Variants in MTRES1 observed in about 807,000 individuals in gnomAD.
The protein encoded by MTRES1 is mitochondrial transcription rescue factor 1.
A neutral mutation model predicts 17.4 loss-of-function variants in MTRES1; 11 were observed. That is an observed-to-expected ratio of 0.63 (90% CI 0.40 to 1.05). MTRES1 has a LOEUF of 1.05. Among genes scored for constraint, MTRES1 ranks in the 50% least tolerant of loss-of-function variants. The pLI is 0.00. For missense variants in MTRES1, 268 were observed against 276.2 expected, an observed-to-expected ratio of 0.97 and a Z score of 0.21; for synonymous variants, 94 against 99.6, an observed-to-expected ratio of 0.94 and a Z score of 0.34.
At chr6:107,031,652 G>A (rs1325658282) in intron 1 of MTRES1, among the ~76,000 whole-genome samples, 5 of 151,544 alleles carry the variant, frequency 3.3e-5, no homozygotes, top group African/African-American at 4.9e-5. Flanking sequence ...CCAGGCTGGA[G>A]TGCAATGGCG....
In MTRES1 at chr6:107,051,570, C is replaced by T. The variant is rs1350945768; in HGVS notation, c.*334C>T. The stretch of plus-strand genomic sequence containing the variant: ...ACCTCAGGAGTCACTGTAAAATAAA[C>T]TGGCCTTGTTGTCTTAGTGTTTTTA... On this transcript the variant is annotated 3_prime_UTR_variant, in exon 4 of 4. Coordinates refer to ENST00000311381, the MANE Select transcript of MTRES1 (RefSeq NM_016487.5). Among the ~76,000 whole-genome samples the T allele has an allele frequency of 6.6e-6, 1 of 152,198 alleles. No individual in the cohort carries two copies. Among genetic ancestry groups the T allele is most frequent in the Non-Finnish European group, 1.5e-5 (1 of 68,040 alleles).
intron 1 of MTRES1, 71 bp from the exon 2 acceptor site, chr6:107,039,678 A>C: frequency 6.8e-7 from 1 of 1,466,470 alleles, no homozygotes; most frequent in Non-Finnish European, 9.1e-7. Flanking sequence ...TTCATAGTGC[A>C]TATGGTTTAT....
chr6:107,049,619 T>C (rs1232256781), intron 3 of MTRES1, among the ~76,000 whole-genome samples: 1 of 151,802 alleles, frequency 6.6e-6, no homozygotes, highest in Non-Finnish European at 1.5e-5. Context: ...TTCACCGTGT[T>C]AGCCAGGATG....
Position 107,051,316 on chromosome 6 carries a change from A to C in MTRES1, c.*80A>C. 4.0e-6 allele frequency: 5 copies of C among 1,252,550 alleles called. No homozygotes were observed. The highest frequency in any genetic ancestry group is 5.6e-6 in the Non-Finnish European group (5 of 896,530). 77.6% of individuals were successfully genotyped at this position (1,252,550 alleles called of 1,614,324 possible). On this transcript the variant is annotated 3_prime_UTR_variant, in exon 4 of 4. Transcript: ENST00000311381. ...CTGAAAAATAGGACATTTTTATTAA[A>C]ATAAAGTTCTCTTAGCGTTTGTGGA...
intron 1 of MTRES1, chr6:107,029,009 G>C (rs1260655969): frequency 1.5e-5 from 5 of 343,050 alleles, no homozygotes; most frequent in African/African-American, 7.4e-5. Flanking sequence ...TTATTCCACA[G>C]GGTGTTGTTT....
rs1329234562 is a variant in MTRES1, at chr6:107,044,263, A to AGTGGAAG, written c.475_481dup (p.Asp161GlyfsTer9). On this transcript the variant is annotated frameshift_variant, in exon 3 of 4. Transcript: ENST00000311381. LOFTEE classifies it high-confidence loss of function. The stretch of plus-strand genomic sequence containing the variant: ...GTTGCTTTTTTTTGTTTTGTAGCAA[A>AGTGGAAG]GTGGAAGATGCTTTCTACAAAGGTG... 1.2e-6 allele frequency: 2 copies of AGTGGAAG among 1,613,308 alleles called. No homozygotes were observed. Among genetic ancestry groups the AGTGGAAG allele is most frequent in the African/African-American group, 2.7e-5 (2 of 74,910 alleles).
chr6:107,031,098 G>C (rs963744120), intron 1 of MTRES1, among the ~76,000 whole-genome samples: 1 of 152,114 alleles, frequency 6.6e-6, no homozygotes, highest in Non-Finnish European at 1.5e-5. Flanking sequence ...TATCAGGGAG[G>C]GCCGGGCACA....
At position 107,044,277 on chromosome 6, in the gene MTRES1, T is replaced by C; in HGVS notation, c.488T>C (p.Phe163Ser). 3.1e-6 allele frequency: 5 copies of C among 1,613,960 alleles called. No homozygotes were observed. Among genetic ancestry groups the C allele is most frequent in the Non-Finnish European group, 4.2e-6 (5 of 1,179,888 alleles). ...TTTTGTAGCAAAGTGGAAGATGCTT[T>C]CTACAAAGGTGAACTCAGGCTGAAT... is the stretch of plus-strand genomic sequence containing the variant. The part of the protein sequence containing the change: ...DIGRNKVEDA[F>S]YKGELRLNEE... Residue 163 changes from phenylalanine to serine, a missense_variant, in exon 3 of 4, where the codon TTC becomes TCC. Physicochemically the swap from Phe to Ser is radical, Grantham distance 155 (BLOSUM62 -2). Coordinates refer to ENST00000311381, the MANE Select transcript of MTRES1 (RefSeq NM_016487.5).
intron 1 of MTRES1, 132 bp from the exon 2 acceptor site, chr6:107,039,617 G>A: frequency 1.1e-6 from 1 of 951,900 alleles, no homozygotes; most frequent in Non-Finnish European, 1.5e-6. Context: ...ACTGCGCCAG[G>A]CCCAATAGGA....
rs371444805 is a variant in MTRES1 at position 107,050,258 on chromosome 6, TG to T, written c.544-797del. On this transcript the variant is annotated intron_variant, in intron 3 of 3. Transcript: ENST00000311381. ...AATCAGCATCCAACTCTGCTTTCTG[TG>T]GCATTCTACCTTTGTGAGTGAGTTG... is the stretch of plus-strand genomic sequence containing the variant. 2.2e-4 allele frequency among the ~76,000 whole-genome samples: 34 copies of T among 152,358 alleles called. 1 individual carries two copies. The East Asian group carries it at 5.0e-3, about 22-fold the overall frequency.
chr6:107,039,739 T>A lies in MTRES1; in HGVS notation c.-12-10T>A. ...CTTGTGAGATAAAACTGATTTATTA[T>A]CTGTTTCAGATTATAAGCGCCATGG... On this transcript the variant is annotated splice_polypyrimidine_tract_variant and intron_variant, in intron 1 of 3. Transcript: ENST00000311381. The A allele has an allele frequency of 7.0e-6, 11 of 1,576,144 alleles. No homozygotes were observed. Among genetic ancestry groups the A allele is most frequent in the Non-Finnish European group, 9.4e-6 (11 of 1,168,274 alleles).
At chr6:107,035,841 G>C (rs1554226892) in intron 1 of MTRES1, among the ~76,000 whole-genome samples, 1 of 151,784 alleles carries the variant, frequency 6.6e-6, no homozygotes, top group Non-Finnish European at 1.5e-5. Context: ...TAGAGATGGG[G>C]TTTCACCATG....
intron 3 of MTRES1, among the ~76,000 whole-genome samples, chr6:107,046,596 A>G (rs1437425997): frequency 6.6e-6 from 1 of 152,146 alleles, no homozygotes; most frequent in Non-Finnish European, 1.5e-5. Context: ...GCTGAGGGAC[A>G]GGGGCCGTGG....
At chr6:107,041,805 G>GC (rs1210909500) in intron 2 of MTRES1, among the ~76,000 whole-genome samples, 3 of 152,062 alleles carry the variant, frequency 2.0e-5, no homozygotes, top group African/African-American at 7.2e-5. Flanking sequence ...GGGATTACAG[G>GC]CGTGAGCCAC....
intron 1 of MTRES1, chr6:107,029,991 GTTT>G (rs369045606): frequency 3.4e-6 from 2 of 584,848 alleles, no homozygotes; most frequent in Non-Finnish European, 3.1e-6. Context: ...TTTACAGGGT[GTTT>G]TTTTTTTTGT....
rs1159386607 is a variant in MTRES1, at chr6:107,030,755, T to C, written c.-13+2484T>C. Among the ~76,000 whole-genome samples, 4 of 152,178 alleles carry C rather than the reference T, an allele frequency of 2.6e-5. No homozygotes were observed. The East Asian group carries it at 7.7e-4, about 29-fold the overall frequency. ...TGAGCCACTCTTATCCAGGTGGGAA[T>C]TGTGGGAACCCTCGTGAAGTTCAAG... On this transcript the variant is annotated intron_variant, in intron 1 of 3. Transcript: ENST00000311381.
At chr6:107,038,585 C>T (rs1774085376) in intron 1 of MTRES1, among the ~76,000 whole-genome samples, 1 of 152,102 alleles carries the variant, frequency 6.6e-6, no homozygotes. Flanking sequence ...AAATGCAGGT[C>T]TGTCCAATTT....
chr6:107,032,506 T>A (rs1221269395), intron 1 of MTRES1, among the ~76,000 whole-genome samples: 4 of 151,950 alleles, frequency 2.6e-5, no homozygotes, highest in Non-Finnish European at 5.9e-5. Flanking sequence ...AGGTTAGGAG[T>A]TCGAGACCAG....
At position 107,031,309 on chromosome 6, in the gene MTRES1, G is replaced by A. The variant is rs544166588; in HGVS notation, c.-13+3038G>A. On this transcript the variant is annotated intron_variant, in intron 1 of 3. Transcript: ENST00000311381. The stretch of plus-strand genomic sequence containing the variant: ...GTGGGAGACTATGGCTTGAACTGGG[G>A]AGGCAGAGGTTGCAGTGAGCCAAGA... Among the ~76,000 whole-genome samples the A allele has an allele frequency of 3.4e-5, 5 of 148,978 alleles. No homozygotes were observed. The East Asian group carries it at 1.0e-3, about 30-fold the overall frequency.
Sources: gnomAD v4.1 joint callset for allele counts (sites outside exome capture counted in the v4.1 genomes callset) on GRCh38, gnomAD v4.1.1 for gene constraint, MANE v1.5 for transcripts, NCBI Gene and HGNC (gene_info 2026-07-23, HGNC 2026-07-21) for gene names.